BPI: variants seen among roughly 807,000 people sequenced by gnomAD.
BPI encodes bactericidal permeability increasing protein.
Under a neutral mutation model 57.6 loss-of-function variants are expected in BPI, and 48 were observed. The ratio of observed to expected loss-of-function variants is 0.83; its 90% CI spans 0.66 to 1.06. The LOEUF (loss-of-function observed/expected upper bound fraction) is 1.06, where lower values mean the gene tolerates loss of function less well. Ranked by LOEUF, BPI falls within the 50% of genes least tolerant of loss-of-function variation. BPI has a pLI of 0.00. For synonymous variants in BPI, 237 were observed against 238.2 expected (o/e 0.99, Z 0.05); for missense variants, 651 against 609.7 (o/e 1.07, Z -0.71).
chr20:38,329,733 G>T (rs2076733022), intron 11 of BPI, among the ~76,000 whole-genome samples: 1 of 151,712 alleles, frequency 6.6e-6, no homozygotes, highest in Admixed American at 6.6e-5. Flanking sequence ...TTTTTTTTTA[G>T]ACAGAGTTTT....
intron 7 of BPI, among the ~76,000 whole-genome samples, 185 bp from the exon 8 acceptor site, chr20:38,323,685 C>A (rs74936608): frequency 0.07 from 10,629 of 152,254 alleles, 480 homozygotes; most frequent in East Asian, 0.23. Context: ...CTTCCCAGGA[C>A]TGGCATGAAA....
chr20:38,310,590 C>T lies in BPI; in HGVS notation c.474C>T (p.Thr158=). The T allele has an allele frequency of 1.2e-6, 2 of 1,614,208 alleles. No homozygotes were observed. ...CCACGTCAGGCAAGCCCACCATCACCTGCTCCAGCTGCAGCAGCCACATCA... is the reference window on the plus strand; with the variant it reads ...CCACGTCAGGCAAGCCCACCATCACTTGCTCCAGCTGCAGCAGCCACATCA... ...SNPTSGKPTI[T]CSSCSSHINS... The change falls in exon 4 of 15, where the codon ACC becomes ACT. Residue 158 remains threonine, a synonymous_variant. Coordinates refer to ENST00000642449, the MANE Select transcript of BPI (RefSeq NM_001725.3).
At chr20:38,317,790 G>A in intron 5 of BPI, 2 of 1,447,020 alleles carry the variant, frequency 1.4e-6, no homozygotes, top group Non-Finnish European at 1.9e-6. Context: ...CTAGATAAAT[G>A]GAACAACTTC....
rs1313599593 is a variant in BPI at position 38,334,426 on chromosome 20, C to G, written c.1273-4C>G. 1 of 1,613,678 alleles carries G rather than the reference C, an allele frequency of 6.2e-7. No homozygotes were observed. The highest frequency in any genetic ancestry group is 8.5e-7 in the Non-Finnish European group (1 of 1,179,544). ...CATCCTCCCATCCTCCCTCTGATTTCCAGGTTGAATTGCTGCAGGATATCA... is the reference window on the plus strand; with the variant it reads ...CATCCTCCCATCCTCCCTCTGATTTGCAGGTTGAATTGCTGCAGGATATCA... On this transcript the variant is annotated splice_polypyrimidine_tract_variant and splice_region_variant and intron_variant, in intron 12 of 14. Transcript: ENST00000642449.
rs747553107 is a variant in BPI at position 38,318,428 on chromosome 20, A to C, written c.616A>C (p.Thr206Pro). 1 of 1,613,818 alleles carries C rather than the reference A, an allele frequency of 6.2e-7. No individual in the cohort carries two copies. Among genetic ancestry groups the C allele is most frequent in the Non-Finnish European group, 8.5e-7 (1 of 1,179,704 alleles). ...TTCTCCCCAGGTCTGCGAGAAAGTG[A>C]CCAATTCTGTATCCTCCGAGCTGCA... The part of the protein sequence containing the change: ...KMNSQVCEKV[T>P]NSVSSELQPY... Residue 206 changes from threonine to proline, a missense_variant, in exon 6 of 15, where the codon ACC (threonine) becomes CCC (proline). Coordinates refer to ENST00000642449, the MANE Select transcript of BPI (RefSeq NM_001725.3).
At position 38,323,870 on chromosome 20, in the gene BPI, G is replaced by C. The variant is rs1302138528; in HGVS notation, c.757G>C (p.Gly253Arg). 4 of 1,613,644 alleles carry C rather than the reference G, an allele frequency of 2.5e-6. No individual in the cohort carries two copies. In the African/African-American group the frequency reaches 4.0e-5, roughly 16 times the overall value. The change falls in exon 8 of 15, where the codon GGG becomes CGG. Residue 253 changes from glycine (G) to arginine (R), a missense_variant and splice_region_variant. Physicochemically the swap from Gly to Arg is moderately radical, Grantham distance 125. Coordinates refer to ENST00000642449, the MANE Select transcript of BPI (RefSeq NM_001725.3). ...TAETLDVQMK[G>R]EFYSENHHNP... ...CTCACTCTGTTGCCTCTACCCCCAGGGGGAGTTTTACAGTGAGAACCACCA... is the reference window on the plus strand; with the variant it reads ...CTCACTCTGTTGCCTCTACCCCCAGCGGGAGTTTTACAGTGAGAACCACCA...
chr20:38,309,217 T>G (rs1466790095), intron 3 of BPI, among the ~76,000 whole-genome samples, 159 bp downstream of exon 3: 1 of 152,216 alleles, frequency 6.6e-6, no homozygotes, highest in Non-Finnish European at 1.5e-5. Flanking sequence ...AGATTCAACA[T>G]AACCCTTGAT....
rs2076712444 is a variant in BPI at position 38,326,253 on chromosome 20, T to C, written c.994-12T>C. On this transcript the variant is annotated splice_polypyrimidine_tract_variant and intron_variant, in intron 9 of 14. Coordinates refer to ENST00000642449, the MANE Select transcript of BPI (RefSeq NM_001725.3). ...TCCTCCTTTCGTTGATTGTCTCCAC[T>C]GGGGGCTGCAGGTGGCCAAGAAGTT... 1.9e-6 allele frequency: 3 copies of C among 1,608,842 alleles called. No individual in the cohort carries two copies. Among genetic ancestry groups the C allele is most frequent in the Non-Finnish European group, 2.5e-6 (3 of 1,176,680 alleles).
At chr20:38,320,512 G>T (rs375060930) in intron 7 of BPI, among the ~76,000 whole-genome samples, 14 of 146,012 alleles carry the variant, frequency 9.6e-5, no homozygotes, top group African/African-American at 3.6e-4. Context: ...TTTTTCCTCC[G>T]CCTGGGTACT....
In BPI at chr20:38,327,690, C is replaced by T. The variant is rs866533360; in HGVS notation, c.1229+35C>T. 8.1e-6 allele frequency: 13 copies of T among 1,606,898 alleles called. No individual in the cohort carries two copies. The Middle Eastern group carries it at 1.7e-3, about 206-fold the overall frequency. ...CCTGTGAGAGGAGGAGGGGGCTGCC[C>T]CTCTGTCCTTGGTGTCTGTGGGATG... On this transcript the variant is annotated intron_variant, in intron 11 of 14. Coordinates refer to ENST00000642449, the MANE Select transcript of BPI (RefSeq NM_001725.3).
chr20:38,327,727 G>C, intron 11 of BPI, 72 bp downstream of exon 11: 1 of 1,530,074 alleles, frequency 6.5e-7, no homozygotes, highest in Non-Finnish European at 9.0e-7. Flanking sequence ...CAGTGGTCCT[G>C]TGATATACAG....
At chr20:38,326,514 A>C (rs1237186558) in intron 10 of BPI, 82 bp downstream of exon 10, 42 of 1,431,114 alleles carry the variant, frequency 2.9e-5, no homozygotes, top group Admixed American at 5.1e-5. Context: ...GACCATGTGA[A>C]TCCTGTCTGG....
chr20:38,318,516 A>G (rs766786768), intron 6 of BPI, 40 bp downstream of exon 6: 28 of 1,582,288 alleles, frequency 1.8e-5, no homozygotes, highest in Non-Finnish European at 2.2e-5. Flanking sequence ...AAGGAACAGA[A>G]ATGGGAGGGG....
rs781184087 is a variant in BPI at position 38,304,281 on chromosome 20, A to G, written c.58A>G (p.Ile20Val). 6.2e-7 allele frequency: 1 copy of G among 1,614,140 alleles called. No individual in the cohort carries two copies. Among genetic ancestry groups the G allele is most frequent in the Non-Finnish European group, 8.5e-7 (1 of 1,180,024 alleles). Residue 20 changes from isoleucine (I) to valine (V), a missense_variant, in exon 1 of 15, where the codon ATA (isoleucine) becomes GTA (valine). By Grantham distance (29) the Ile-to-Val change is conservative. Transcript: ENST00000642449. ...GGCGTCCCTGATGGTGCTGGTCGCCATAGGCACCGCCGTGACAGCGGCCGT... is the reference window on the plus strand; with the variant it reads ...GGCGTCCCTGATGGTGCTGGTCGCCGTAGGCACCGCCGTGACAGCGGCCGT... ...RWASLMVLVA[I>V]GTAVTAAVNP...
In BPI at chr20:38,337,200, C is replaced by T. The variant is rs376454204; in HGVS notation, c.*16C>T. ...CTATAAATGAAGGCACCAGGGGTGC[C>T]GGGGGCTGTCAGCCACACCTGTTCC... On this transcript the variant is annotated 3_prime_UTR_variant, in exon 15 of 15. Coordinates refer to ENST00000642449, the MANE Select transcript of BPI (RefSeq NM_001725.3). The T allele has an allele frequency of 3.0e-4, 467 of 1,580,540 alleles. 4 individuals carry two copies. In the South Asian group the frequency reaches 4.5e-3, roughly 15 times the overall value.
Position 38,337,355 on chromosome 20 carries a change from A to C in BPI, c.*171A>C. 1 of 559,048 alleles carries C rather than the reference A, an allele frequency of 1.8e-6. No individual in the cohort carries two copies. The highest frequency in any genetic ancestry group is 3.1e-6 in the Non-Finnish European group (1 of 327,638). The allele number at this position is 559,048 out of a possible 1,614,324, so 34.6% of individuals were successfully genotyped here. A position where few individuals can be genotyped will look rare whatever the true frequency, so the allele number is the denominator to read the frequency against. On this transcript the variant is annotated 3_prime_UTR_variant, in exon 15 of 15. Coordinates refer to ENST00000642449, the MANE Select transcript of BPI (RefSeq NM_001725.3). ...AACACGAGGAAACATTATTCATTGG[A>C]AAAGTGCATGGTGTGTATTTTAGGG...
intron 6 of BPI, among the ~76,000 whole-genome samples, chr20:38,319,166 C>T (rs1330250958): frequency 2.0e-5 from 3 of 152,074 alleles, no homozygotes; most frequent in Non-Finnish European, 4.4e-5. Flanking sequence ...ACCCAGGAGG[C>T]GGAGGTTGCA....
rs779255258 is a variant in BPI at position 38,323,976 on chromosome 20, ACTT to A, written c.868_870del (p.Phe290del). The A allele has an allele frequency of 3.7e-6, 6 of 1,613,870 alleles. No individual in the cohort carries two copies. Among genetic ancestry groups the A allele is most frequent in the Middle Eastern group, 1.6e-4 (1 of 6,070 alleles). On this transcript the variant is annotated inframe_deletion, in exon 8 of 15. Transcript: ENST00000642449. ...ATGGTATACCTGGGCCTCTCAGACT[ACTT>A]CTTCAACACAGCCGGGCTTGTATAC... is the stretch of plus-strand genomic sequence containing the variant.
Position 38,325,648 on chromosome 20 carries a change from T to A in BPI, c.994-617T>A, listed in dbSNP as rs545844742. Among the ~76,000 whole-genome samples the A allele has an allele frequency of 2.6e-5, 4 of 152,206 alleles. No homozygotes were observed. The South Asian group carries it at 8.3e-4, about 32-fold the overall frequency. ...GGAATTAGGGTTTCAACATATGAAT[T>A]TGGGAGGACACATTCTGTTCATAGC... On this transcript the variant is annotated intron_variant, in intron 9 of 14. Transcript: ENST00000642449.
Sources: allele counts gnomAD v4.1 joint callset (sites outside exome capture counted in the v4.1 genomes callset), GRCh38; gene constraint gnomAD v4.1.1; transcripts MANE v1.5; gene names NCBI Gene and HGNC (gene_info 2026-07-23, HGNC 2026-07-21).